The following TMUB2 variants were observed in gnomAD, a reference collection of about 807,000 sequenced individuals.
The protein encoded by TMUB2 is transmembrane and ubiquitin like domain containing 2.
TMUB2 carries 19 observed loss-of-function variants against 20.2 expected under a neutral mutation model. The ratio of observed to expected loss-of-function variants is 0.94; its 90% CI spans 0.66 to 1.38. The LOEUF is 1.38. TMUB2 is among the 40% of genes most tolerant of loss of function. TMUB2 has a pLI of 0.00. For synonymous variants in TMUB2, 186 were observed against 166.0 expected (o/e 1.12, Z -0.92); for missense variants, 426 against 402.5 (o/e 1.06, Z -0.50).
chr17:44,189,723 T>C (rs1373795257), intron 3 of TMUB2, 135 bp downstream of exon 3: 3 of 827,706 alleles, frequency 3.6e-6, no homozygotes, highest in South Asian at 4.2e-5. Context: ...GTAGATACTT[T>C]CTTAGAAATA....
rs2055593986 is a variant in TMUB2 at position 44,191,596 on chromosome 17, CTG to C, written c.*733_*734del. 1 of 985,844 alleles carries C rather than the reference CTG, an allele frequency of 1.0e-6. No individual in the cohort carries two copies. Among genetic ancestry groups the C allele is most frequent in the African/African-American group, 1.7e-5 (1 of 57,242 alleles). The allele number at this position is 985,844 out of a possible 1,614,324, so 61.1% of individuals were successfully genotyped here. On this transcript the variant is annotated 3_prime_UTR_variant, in exon 4 of 4. Coordinates refer to ENST00000538716, the MANE Select transcript of TMUB2 (RefSeq NM_001076674.3). ...CTCAGGCTGTAAGCAAGAGACAGCA[CTG>C]GCCCTTGGCCAGCGTCCTACCCTGC...
rs542075242 is a variant in TMUB2, at chr17:44,190,866, G to A, written c.*2G>A. The A allele has an allele frequency of 3.8e-6, 6 of 1,597,368 alleles. No homozygotes were observed. The African/African-American group carries it at 5.4e-5, about 14-fold the overall frequency. ...GTATTTGGGATGTATGGACGATAAG[G>A]ACATAGGAAGAAAATGAAAGGCATG... On this transcript the variant is annotated 3_prime_UTR_variant, in exon 4 of 4. Coordinates refer to ENST00000538716, the MANE Select transcript of TMUB2 (RefSeq NM_001076674.3).
Position 44,191,094 on chromosome 17 carries a change from C to T in TMUB2, c.*230C>T, listed in dbSNP as rs959235446. 14 of 1,310,510 alleles carry T rather than the reference C, an allele frequency of 1.1e-5. No homozygotes were observed. Among genetic ancestry groups the T allele is most frequent in the South Asian group, 1.8e-5 (1 of 56,096 alleles). 81.2% of individuals were successfully genotyped at this position (1,310,510 alleles called of 1,614,324 possible). A position where few individuals can be genotyped will look rare whatever the true frequency, so the allele number is the denominator to read the frequency against. ...AGGTAGAAATGAGGATGTCATCTTCCTTCACTTTTAGGGTCCTCTGAAGGA... is the reference window on the plus strand; with the variant it reads ...AGGTAGAAATGAGGATGTCATCTTCTTTCACTTTTAGGGTCCTCTGAAGGA... On this transcript the variant is annotated 3_prime_UTR_variant, in exon 4 of 4. Coordinates refer to ENST00000538716, the MANE Select transcript of TMUB2 (RefSeq NM_001076674.3).
In TMUB2 at chr17:44,190,981, T is replaced by C. The variant is rs2055487521; in HGVS notation, c.*117T>C. The stretch of plus-strand genomic sequence containing the variant: ...AGGGGTGGAAAGGATGTGATGGAAA[T>C]CTCCTCCATAGGACACAGGAGGCAA... On this transcript the variant is annotated 3_prime_UTR_variant, in exon 4 of 4. Transcript: ENST00000538716. The C allele has an allele frequency of 2.4e-5, 36 of 1,502,160 alleles. No homozygotes were observed. The highest frequency in any genetic ancestry group is 1.1e-4 in the Admixed American group (5 of 43,784). 93.1% of individuals were successfully genotyped at this position (1,502,160 alleles called of 1,614,324 possible).
At chr17:44,187,411 C>T (rs2054603473) in intron 1 of TMUB2, 1 of 441,996 alleles carries the variant, frequency 2.3e-6, no homozygotes, top group African/African-American at 2.0e-5. Flanking sequence ...GTGCGGGACC[C>T]CTCCTCACCG....
At chr17:44,188,489 C>T (rs2054816583) in intron 2 of TMUB2, among the ~76,000 whole-genome samples, 1 of 152,168 alleles carries the variant, frequency 6.6e-6, no homozygotes, top group African/African-American at 2.4e-5. Flanking sequence ...CATCTGGCAG[C>T]CTGGATCTGT....
In TMUB2 at chr17:44,190,928, C is replaced by T. The variant is rs2055476632; in HGVS notation, c.*64C>T. 1 of 1,531,254 alleles carries T rather than the reference C, an allele frequency of 6.5e-7. No individual in the cohort carries two copies. Among genetic ancestry groups the T allele is most frequent in the Non-Finnish European group, 8.7e-7 (1 of 1,142,878 alleles). 94.9% of individuals were successfully genotyped at this position (1,531,254 alleles called of 1,614,324 possible). A position where few individuals can be genotyped will look rare whatever the true frequency, so the allele number is the denominator to read the frequency against. ...TTACGGCCTCCCCACTTTTCCTGGC[C>T]AGAGCTGGGCCCAAGGGCCGGGGAG... On this transcript the variant is annotated 3_prime_UTR_variant, in exon 4 of 4. Coordinates refer to ENST00000538716, the MANE Select transcript of TMUB2 (RefSeq NM_001076674.3).
chr17:44,188,936 G>A (rs767105164), intron 2 of TMUB2, 86 bp from the exon 3 acceptor site: 6 of 1,451,920 alleles, frequency 4.1e-6, no homozygotes, highest in Non-Finnish European at 5.4e-6. Context: ...TTTTTTCAGG[G>A]CTGGGTCAGT....
Position 44,191,636 on chromosome 17 carries a change from A to G in TMUB2, c.*772A>G, listed in dbSNP as rs983805417. The G allele has an allele frequency of 1.5e-5, 15 of 985,586 alleles. No homozygotes were observed. The highest frequency in any genetic ancestry group is 1.8e-5 in the Non-Finnish European group (15 of 829,888). 61.1% of individuals were successfully genotyped at this position (985,586 alleles called of 1,614,324 possible). ...CGTCCTACCCTGCCCAACTCCAAGG[A>G]CTGGGTATGGATTGCTGGGCCCTAG... On this transcript the variant is annotated 3_prime_UTR_variant, in exon 4 of 4. Coordinates refer to ENST00000538716, the MANE Select transcript of TMUB2 (RefSeq NM_001076674.3).
rs1276639373 is a variant in TMUB2 at position 44,191,436 on chromosome 17, TTCAAA to T, written c.*573_*577del. On this transcript the variant is annotated 3_prime_UTR_variant, in exon 4 of 4. Coordinates refer to ENST00000538716, the MANE Select transcript of TMUB2 (RefSeq NM_001076674.3). ...GCAGGAATAGGGTGTCCTCCCTTCT[TTCAAA>T]GCACTTTGCTTGCATTTTATTTTAT... 1.4e-5 allele frequency: 14 copies of T among 985,954 alleles called. No individual in the cohort carries two copies. The highest frequency in any genetic ancestry group is 1.7e-5 in the Non-Finnish European group (14 of 830,096). The allele number at this position is 985,954 out of a possible 1,614,324, so 61.1% of individuals were successfully genotyped here.
chr17:44,187,368 A>G, intron 1 of TMUB2: 1 of 334,838 alleles, frequency 3.0e-6, no homozygotes, highest in Non-Finnish European at 5.7e-6. Context: ...GAATAGGACC[A>G]TCCAAAAGCG....
At position 44,187,089 on chromosome 17, in the gene TMUB2, C is replaced by T. The variant is rs1394789853; in HGVS notation, c.-54C>T. 6.5e-6 allele frequency: 1 copy of T among 153,200 alleles called. No homozygotes were observed. Among genetic ancestry groups the T allele is most frequent in the Non-Finnish European group, 1.5e-5 (1 of 68,456 alleles). 9.5% of individuals were successfully genotyped at this position (153,200 alleles called of 1,614,324 possible). ...AGGGGCCGTCCTGGCGAGGTCAAAACATTTAGTCTGGTCTTTTCAGGTGAG... is the reference window on the plus strand; with the variant it reads ...AGGGGCCGTCCTGGCGAGGTCAAAATATTTAGTCTGGTCTTTTCAGGTGAG... On this transcript the variant is annotated 5_prime_UTR_variant, in exon 1 of 4. Transcript: ENST00000538716.
chr17:44,188,421 C>T (rs1214430866), intron 2 of TMUB2, among the ~76,000 whole-genome samples: 2 of 152,126 alleles, frequency 1.3e-5, no homozygotes, highest in African/African-American at 4.8e-5. Flanking sequence ...ACAGAGTTAT[C>T]GTTTTAGATT....
In TMUB2 at chr17:44,191,406, C is replaced by G; in HGVS notation, c.*542C>G. On this transcript the variant is annotated 3_prime_UTR_variant, in exon 4 of 4. Coordinates refer to ENST00000538716, the MANE Select transcript of TMUB2 (RefSeq NM_001076674.3). Reference sequence around the variant, plus strand: ...GCCGCCTTCACCTTCTTCCTCTACCCCTTAGCAGGAATAGGGTGTCCTCCC... The same window carrying G: ...GCCGCCTTCACCTTCTTCCTCTACCGCTTAGCAGGAATAGGGTGTCCTCCC... 2.0e-6 allele frequency: 2 copies of G among 987,058 alleles called. No individual in the cohort carries two copies. The highest frequency in any genetic ancestry group is 2.4e-6 in the Non-Finnish European group (2 of 830,736). The allele number at this position is 987,058 out of a possible 1,614,324, so 61.1% of individuals were successfully genotyped here.
intron 3 of TMUB2, 71 bp from the exon 4 acceptor site, chr17:44,190,430 G>T: frequency 1.3e-5 from 19 of 1,423,822 alleles, no homozygotes; most frequent in South Asian, 6.3e-5. Context: ...CCCCTGCTTT[G>T]TTGGTCCAGG....
intron 2 of TMUB2, 58 bp from the exon 3 acceptor site, chr17:44,188,964 A>G (rs1200219516): frequency 3.3e-6 from 5 of 1,515,980 alleles, no homozygotes; most frequent in Non-Finnish European, 4.4e-6. Flanking sequence ...TAAACAAACT[A>G]GAGACCTGGT....
chr17:44,190,978 A>G lies in TMUB2; in HGVS notation c.*114A>G, dbSNP rs2055486241. 6 of 1,504,000 alleles carry G rather than the reference A, an allele frequency of 4.0e-6. No individual in the cohort carries two copies. The South Asian group carries it at 4.1e-5, about 10-fold the overall frequency. 93.2% of individuals were successfully genotyped at this position (1,504,000 alleles called of 1,614,324 possible). A position where few individuals can be genotyped will look rare whatever the true frequency, so the allele number is the denominator to read the frequency against. ...GGGAGGGGTGGAAAGGATGTGATGGAAATCTCCTCCATAGGACACAGGAGG... is the reference window on the plus strand; with the variant it reads ...GGGAGGGGTGGAAAGGATGTGATGGGAATCTCCTCCATAGGACACAGGAGG... On this transcript the variant is annotated 3_prime_UTR_variant, in exon 4 of 4. Coordinates refer to ENST00000538716, the MANE Select transcript of TMUB2 (RefSeq NM_001076674.3).
At chr17:44,187,477 C>G (rs1172369259) in intron 1 of TMUB2, 199 bp from the exon 2 acceptor site, 8 of 583,098 alleles carry the variant, frequency 1.4e-5, no homozygotes, top group Non-Finnish European at 2.5e-5. Flanking sequence ...GCAAAGACCC[C>G]TGAGGCCGGA....
rs1424416026 is a variant in TMUB2, at chr17:44,189,406, C to A, written c.420C>A (p.Ile140=). The change falls in exon 3 of 4, where the codon ATC becomes ATA. Residue 140 remains isoleucine, a synonymous_variant. Transcript: ENST00000538716. ...CCAGCCTTGAGCATCTCCTTGACATCCAAGGCCTGCCCAAAAGACAAGCAG... is the reference window on the plus strand; with the variant it reads ...CCAGCCTTGAGCATCTCCTTGACATACAAGGCCTGCCCAAAAGACAAGCAG... ...VEPSLEHLLD[I]QGLPKRQAGA... The A allele has an allele frequency of 4.3e-6, 7 of 1,613,884 alleles. No individual in the cohort carries two copies. Among genetic ancestry groups the A allele is most frequent in the Non-Finnish European group, 5.9e-6 (7 of 1,179,904 alleles).
Sources: gnomAD v4.1 joint callset for allele counts (sites outside exome capture counted in the v4.1 genomes callset) on GRCh38, gnomAD v4.1.1 for gene constraint, MANE v1.5 for transcripts, NCBI Gene and HGNC (gene_info 2026-07-23, HGNC 2026-07-21) for gene names.